Variants in AKAP13 observed in about 807,000 individuals in gnomAD.
AKAP13 encodes A-kinase anchor protein 13.
AKAP13 carries 80 observed loss-of-function variants against 264.5 expected under a neutral mutation model. The observed-to-expected ratio is 0.30, with a 90% CI of 0.25 to 0.36. AKAP13 has a LOEUF of 0.36. AKAP13 is among the 10% of genes least tolerant of loss of function. The pLI, the probability that AKAP13 is intolerant of heterozygous loss-of-function variation, is 1.00. For synonymous variants in AKAP13, 1,380 were observed against 1,250.2 expected (o/e 1.10, Z -2.19); for missense variants, 3,712 against 3,435.2 (o/e 1.08, Z -2.01).
Position 85,708,164 on chromosome 15 carries a change from A to G in AKAP13, c.5532+78A>G. The G allele has an allele frequency of 7.3e-7, 1 of 1,368,702 alleles. No homozygotes were observed. Among genetic ancestry groups the G allele is most frequent in the South Asian group, 1.3e-5 (1 of 79,792 alleles). 84.8% of individuals were successfully genotyped at this position (1,368,702 alleles called of 1,614,324 possible). Reference sequence around the variant, plus strand: ...AAATCCTCGGGAGTTGGGAGAGTTGAGGTTGTGGTGGATTTTGTTTATTTT... The same window carrying G: ...AAATCCTCGGGAGTTGGGAGAGTTGGGGTTGTGGTGGATTTTGTTTATTTT... On this transcript the variant is annotated intron_variant, in intron 18 of 36. Coordinates refer to ENST00000394518, the MANE Select transcript of AKAP13 (RefSeq NM_007200.5). This position sits in a 1 kb window ranked among gnomAD's most constrained non-coding sequence, Gnocchi z 4.3.
At chr15:85,721,960 T>C in intron 23 of AKAP13, 31 bp from the exon 24 acceptor site, 1 of 1,612,044 alleles carries the variant, frequency 6.2e-7, no homozygotes, top group Non-Finnish European at 8.5e-7. Flanking sequence ...TGGCGCCCCA[T>C]GGCATAACTT....
intron 8 of AKAP13, among the ~76,000 whole-genome samples, chr15:85,601,608 TTGTG>T (rs10574160): frequency 0.013 from 1,692 of 132,050 alleles, 15 homozygotes; most frequent in African/African-American, 0.022. Flanking sequence ...CCTGAATTCT[TTGTG>T]TGTGTGTGTG....
At position 85,740,238 on chromosome 15, in the gene AKAP13, T is replaced by C; in HGVS notation, c.7574T>C (p.Val2525Ala). ...KRNSEQVVQS[V>A]VHLYELLSAL... ...CTTTGGCAGCAGGTTGTCCAGAGCG[T>C]TGTTCATCTCTACGAGCTCCTCAGC... Residue 2525 changes from valine (V) to alanine (A), a missense_variant, in exon 34 of 37, where the codon GTT (valine) becomes GCT (alanine). Physicochemically the swap from Val to Ala is moderately conservative, Grantham distance 64. Coordinates refer to ENST00000394518, the MANE Select transcript of AKAP13 (RefSeq NM_007200.5). The C allele has an allele frequency of 6.2e-7, 1 of 1,614,220 alleles. No homozygotes were observed. Among genetic ancestry groups the C allele is most frequent in the Non-Finnish European group, 8.5e-7 (1 of 1,180,020 alleles).
intron 1 of AKAP13, among the ~76,000 whole-genome samples, chr15:85,414,962 T>G (rs1486901326): frequency 6.6e-6 from 1 of 152,224 alleles, no homozygotes; most frequent in Non-Finnish European, 1.5e-5. Context: ...GAAAATCACC[T>G]AAGTGTAACT....
intron 2 of AKAP13, among the ~76,000 whole-genome samples, chr15:85,501,764 T>C (rs924692024): frequency 2.0e-5 from 3 of 152,250 alleles, no homozygotes; most frequent in Non-Finnish European, 4.4e-5. Context: ...CAGACCTTTC[T>C]TCAGAAACCT....
intron 3 of AKAP13, among the ~76,000 whole-genome samples, chr15:85,529,751 T>C (rs897546141): frequency 6.6e-6 from 1 of 152,216 alleles, no homozygotes; most frequent in Non-Finnish European, 1.5e-5. Flanking sequence ...TGAGGTACTT[T>C]ATTCTTGATC....
rs1051470973 is a variant in AKAP13 at position 85,744,630 on chromosome 15, G to A, written c.8395G>A (p.Gly2799Ser). The change falls in exon 37 of 37, where the codon GGT becomes AGT. Residue 2799 changes from glycine to serine, a missense_variant and splice_region_variant. Coordinates refer to ENST00000394518, the MANE Select transcript of AKAP13 (RefSeq NM_007200.5). ...ATTCTTGGTTTTCACATTTCCAGAT[G>A]GTCCCGCGTCAGAAGTATCAGCAGA... ...NKTSRSQPGD[G>S]PASEVSAEGE... is the part of the protein sequence containing the mutation. The A allele has an allele frequency of 6.2e-7, 1 of 1,613,870 alleles. No individual in the cohort carries two copies. The highest frequency in any genetic ancestry group is 1.1e-5 in the South Asian group (1 of 91,046).
In AKAP13 at chr15:85,686,658, T is replaced by C. The variant is rs79091403; in HGVS notation, c.5289+1785T>C. ...AATACTGCTTTACCAGTATTCTACG[T>C]ATTTACATATTGGCAGCCAGGCTTA... On this transcript the variant is annotated intron_variant, in intron 16 of 36. Coordinates refer to ENST00000394518, the MANE Select transcript of AKAP13 (RefSeq NM_007200.5). Among the ~76,000 whole-genome samples, 390 of 152,138 alleles carry C rather than the reference T, an allele frequency of 2.6e-3. 3 individuals carry two copies. Among genetic ancestry groups the C allele is most frequent in the African/African-American group, 9.0e-3 (375 of 41,510 alleles).
At chr15:85,423,691 T>A (rs1469235257) in intron 1 of AKAP13, among the ~76,000 whole-genome samples, 2 of 152,248 alleles carry the variant, frequency 1.3e-5, no homozygotes, top group Non-Finnish European at 2.9e-5. Context: ...ATTGTGAATG[T>A]TCTTAATGGC....
intron 17 of AKAP13, among the ~76,000 whole-genome samples, chr15:85,695,674 A>G (rs566769178): frequency 6.6e-6 from 1 of 152,342 alleles, no homozygotes; most frequent in African/African-American, 2.4e-5. Context: ...GTAACCAAAA[A>G]CCATGAGAGC....
At position 85,722,086 on chromosome 15, in the gene AKAP13, C is replaced by G; in HGVS notation, c.6348C>G (p.Ala2116=). The change falls in exon 24 of 37, where the codon GCC becomes GCG. Residue 2116 remains alanine, a synonymous_variant. Transcript: ENST00000394518. ...QSVNYFKDLY[A]KDKRFQAFVK... is the part of the protein sequence containing the mutation. Reference sequence around the variant, plus strand: ...TAAACTACTTCAAAGACCTTTATGCCAAGGATAAGCGTTTTCAAGCCTTTG... The same window carrying G: ...TAAACTACTTCAAAGACCTTTATGCGAAGGATAAGCGTTTTCAAGCCTTTG... 1 of 1,614,062 alleles carries G rather than the reference C, an allele frequency of 6.2e-7. No individual in the cohort carries two copies. Among genetic ancestry groups the G allele is most frequent in the Non-Finnish European group, 8.5e-7 (1 of 1,179,950 alleles).
intron 1 of AKAP13, among the ~76,000 whole-genome samples, chr15:85,441,454 G>A (rs896356215): frequency 2.0e-5 from 3 of 151,820 alleles, no homozygotes; most frequent in African/African-American, 7.3e-5. Context: ...GTAGAGTCTT[G>A]TCTTTTAATT....
intron 14 of AKAP13, among the ~76,000 whole-genome samples, chr15:85,670,420 A>G (rs750711160): frequency 3.3e-5 from 5 of 151,578 alleles, no homozygotes; most frequent in Non-Finnish European, 7.4e-5. Flanking sequence ...GCATTAGTAT[A>G]TAAGAGTACC....
chr15:85,687,263 A>AG (rs2084990563), intron 16 of AKAP13, among the ~76,000 whole-genome samples: 3 of 152,244 alleles, frequency 2.0e-5, no homozygotes, highest in South Asian at 2.1e-4. Flanking sequence ...ACTTCCAGGA[A>AG]GTAGTACTCA....
Position 85,668,190 on chromosome 15 carries a change from T to C in AKAP13, c.4993-1532T>C, listed in dbSNP as rs938182365. Among the ~76,000 whole-genome samples, 5 of 152,340 alleles carry C rather than the reference T, an allele frequency of 3.3e-5. No individual in the cohort carries two copies. The South Asian group carries it at 1.0e-3, about 32-fold the overall frequency. On this transcript the variant is annotated intron_variant, in intron 13 of 36. Transcript: ENST00000394518. ...ATTTGAAACATAGCAACTGTTTGCC[T>C]CAGCTGCCATGGTTACACATGAAAC...
At chr15:85,491,768 T>C (rs2075737114) in intron 2 of AKAP13, among the ~76,000 whole-genome samples, 1 of 152,114 alleles carries the variant, frequency 6.6e-6, no homozygotes, top group Non-Finnish European at 1.5e-5. Context: ...CCTGCAGTTG[T>C]GTAATTCATT....
intron 2 of AKAP13, among the ~76,000 whole-genome samples, chr15:85,518,004 A>C (rs1295778505): frequency 2.0e-5 from 3 of 152,180 alleles, no homozygotes; most frequent in South Asian, 2.1e-4. Context: ...ATAATTGAGA[A>C]TGTCTTGAAT....
At chr15:85,716,053 C>A in intron 20 of AKAP13, 130 bp downstream of exon 20, 1 of 1,179,212 alleles carries the variant, frequency 8.5e-7, no homozygotes, top group Non-Finnish European at 1.1e-6. Flanking sequence ...TTGGTGCAGA[C>A]AAGGACGATG....
chr15:85,610,935 C>T (rs1388517084), intron 8 of AKAP13, among the ~76,000 whole-genome samples: 3 of 152,198 alleles, frequency 2.0e-5, no homozygotes, highest in South Asian at 2.1e-4. Context: ...GTCGACATCG[C>T]GCCACTGCGC....
Sources: allele counts gnomAD v4.1 joint callset (sites outside exome capture counted in the v4.1 genomes callset), GRCh38; gene constraint gnomAD v4.1.1; non-coding constraint Gnocchi (gnomAD v3.1); transcripts MANE v1.5; gene names NCBI Gene and HGNC (gene_info 2026-07-23, HGNC 2026-07-21).